The following ENTPD5 variants were observed in gnomAD, a reference collection of about 807,000 sequenced individuals.
ENTPD5 encodes ectonucleoside triphosphate diphosphohydrolase 5 (inactive), also known as nucleoside diphosphate phosphatase ENTPD5.
Under a neutral mutation model 60.2 loss-of-function variants are expected in ENTPD5, and 49 were observed. The observed-to-expected ratio is 0.81, with a 90% CI of 0.65 to 1.03. The LOEUF (loss-of-function observed/expected upper bound fraction) is 1.03, where lower values mean the gene tolerates loss of function less well. ENTPD5 is among the 50% of genes least tolerant of loss of function. The probability of loss-of-function intolerance (pLI) is 0.00; values close to 1 mark genes in which losing one functional copy is unlikely to be tolerated. For synonymous variants in ENTPD5, 187 were observed against 185.4 expected (o/e 1.01, Z -0.07); for missense variants, 480 against 507.6 (o/e 0.95, Z 0.52).
At chr14:73,984,786 G>A (rs979404261) in intron 5 of ENTPD5, among the ~76,000 whole-genome samples, 1 of 151,482 alleles carries the variant, frequency 6.6e-6, no homozygotes, top group African/African-American at 2.4e-5. Flanking sequence ...GGGTACATGT[G>A]CACAATGTGC....
At chr14:74,004,442 T>C (rs1187476415) in intron 3 of ENTPD5, among the ~76,000 whole-genome samples, 2 of 152,206 alleles carry the variant, frequency 1.3e-5, no homozygotes, top group African/African-American at 4.8e-5. Flanking sequence ...AGATTACAGG[T>C]GTGAGCCATT....
downstream of ENTPD5, among the ~76,000 whole-genome samples, chr14:73,962,138 G>A (rs1405778847): frequency 6.6e-6 from 1 of 151,666 alleles, no homozygotes; most frequent in African/African-American, 2.4e-5. Context: ...AGTAGAGATG[G>A]GGTTTCACCA....
downstream of ENTPD5, chr14:73,960,140 C>T: frequency 2.0e-6 from 2 of 990,264 alleles, no homozygotes; most frequent in Non-Finnish European, 2.4e-6. Context: ...GCTACCTGAA[C>T]CTTTCAAGCC....
chr14:74,007,479 G>A lies in ENTPD5; in HGVS notation c.-71+3612C>T, dbSNP rs371571780. Among the ~76,000 whole-genome samples the A allele has an allele frequency of 3.5e-4, 53 of 151,882 alleles. No individual in the cohort carries two copies. The East Asian group carries it at 9.7e-3, about 28-fold the overall frequency. Reference sequence around the variant, plus strand: ...AGAGGTTGCAGTGAGCTGAGATCACGCCACTGCACTCCAGTCTAGGTGACA... The same window carrying A: ...AGAGGTTGCAGTGAGCTGAGATCACACCACTGCACTCCAGTCTAGGTGACA... On this transcript the variant is annotated intron_variant, in intron 3 of 15. Coordinates refer to ENST00000334696, the MANE Select transcript of ENTPD5 (RefSeq NM_001249.5).
At chr14:73,971,210 T>G (rs995610714) in intron 14 of ENTPD5, among the ~76,000 whole-genome samples, 2 of 150,886 alleles carry the variant, frequency 1.3e-5, no homozygotes, top group Admixed American at 6.7e-5. Flanking sequence ...CAGGCTGGAG[T>G]GCAGTGGCAC....
intron 12 of ENTPD5, 62 bp from the exon 13 acceptor site, chr14:73,973,086 T>A: frequency 6.3e-7 from 1 of 1,582,834 alleles, no homozygotes; most frequent in South Asian, 1.1e-5. Context: ...GGACACTCTC[T>A]GAGGCAGGCT....
At position 73,974,943 on chromosome 14, in the gene ENTPD5, C is replaced by T; in HGVS notation, c.765G>A (p.Leu255=). ...FGLKAARLAT[L]GALETEGTDG... is the part of the protein sequence containing the mutation. ...ACAAACCTTCTGTCTCCAGGGCTCC[C>T]AGGGTTGCTAGTCTTGCAGCTTTCA... The change falls in exon 11 of 16, where the codon CTG becomes CTA. Residue 255 remains leucine, a synonymous_variant. Coordinates refer to ENST00000334696, the MANE Select transcript of ENTPD5 (RefSeq NM_001249.5). The T allele has an allele frequency of 6.2e-7, 1 of 1,613,774 alleles. No individual in the cohort carries two copies.
intron 6 of ENTPD5, 81 bp from the exon 7 acceptor site, chr14:73,977,455 GACTTAGAAAACT>G (rs1252252069): frequency 9.1e-7 from 1 of 1,093,498 alleles, no homozygotes; most frequent in Non-Finnish European, 1.3e-6. Flanking sequence ...TGTCCTGTAA[GACTTAGAAAACT>G]ACTCCATTTT....
At chr14:73,961,028 G>A, downstream of ENTPD5, 1 of 924,306 alleles carries the variant, frequency 1.1e-6, no homozygotes, top group Non-Finnish European at 1.7e-6. Flanking sequence ...TTGCACTTGA[G>A]GGGCTTATCA....
chr14:74,018,325 T>A (rs951989330), intron 1 of ENTPD5: 2 of 150,622 alleles, frequency 1.3e-5, no homozygotes, highest in Middle Eastern at 3.2e-3. Context: ...CGGGAAGGAG[T>A]GTACGGATTA....
At position 73,988,116 on chromosome 14, in the gene ENTPD5, T is replaced by A. The variant is rs12434581; in HGVS notation, c.-14A>T. On this transcript the variant is annotated 5_prime_UTR_variant, in exon 4 of 16. Transcript: ENST00000334696. ...AGAAGTGGCCATTCTTTTCCCAAGA[T>A]GTGGCTGGGTGGAGGCTTTTGTTGC... 0.39 allele frequency: 618,413 copies of A among 1,598,826 alleles called. 127,440 individuals carry two copies. Among genetic ancestry groups the A allele is most frequent in the Non-Finnish European group, 0.43 (499,988 of 1,172,652 alleles).
chr14:73,990,378 C>T (rs980884765), intron 3 of ENTPD5, among the ~76,000 whole-genome samples: 6 of 126,760 alleles, frequency 4.7e-5, no homozygotes, highest in Non-Finnish European at 7.6e-5. Flanking sequence ...TCTGTCACCC[C>T]GGCTGGAGTG....
At chr14:73,971,578 C>T (rs1847151496) in intron 14 of ENTPD5, among the ~76,000 whole-genome samples, 2 of 152,206 alleles carry the variant, frequency 1.3e-5, no homozygotes, top group African/African-American at 4.8e-5. Context: ...AATGCAGTGA[C>T]TGTTCACAGG....
In ENTPD5 at chr14:73,977,295, C is replaced by T; in HGVS notation, c.517+4G>A. 6.2e-7 allele frequency: 1 copy of T among 1,609,730 alleles called. No individual in the cohort carries two copies. The highest frequency in any genetic ancestry group is 8.5e-7 in the Non-Finnish European group (1 of 1,177,136). ...CCTGGAACGCATATCAACACCTCTC[C>T]CACCTTCGTCGGATCCATCCATGAT... is the stretch of plus-strand genomic sequence containing the variant. On this transcript the variant is annotated splice_donor_region_variant and intron_variant, in intron 7 of 15. Transcript: ENST00000334696.
At chr14:73,956,041 A>T, downstream of ENTPD5, 1 of 1,510,392 alleles carries the variant, frequency 6.6e-7, no homozygotes, top group South Asian at 1.1e-5. Context: ...AAATCCTCTG[A>T]TGGCCGGGTG....
chr14:73,999,360 C>T (rs60730881), intron 3 of ENTPD5, among the ~76,000 whole-genome samples: 2,277 of 151,918 alleles, frequency 0.015, 62 homozygotes, highest in African/African-American at 0.052. Context: ...TGGTGGCATG[C>T]GCCTGTAATC....
At chr14:73,960,904 C>T (rs1052987441), downstream of ENTPD5, 20 of 545,920 alleles carry the variant, frequency 3.7e-5, no homozygotes, top group East Asian at 1.4e-4. Context: ...GTGGCTGGTG[C>T]GTGGTTATTG....
downstream of ENTPD5, chr14:73,958,768 A>C: frequency 1.4e-6 from 2 of 1,481,422 alleles, no homozygotes; most frequent in Non-Finnish European, 1.8e-6. Flanking sequence ...CTGTTCAGTC[A>C]TGTCCAGCTT....
At chr14:73,997,444 G>A (rs1342303430) in intron 3 of ENTPD5, among the ~76,000 whole-genome samples, 1 of 152,116 alleles carries the variant, frequency 6.6e-6, no homozygotes, top group African/African-American at 2.4e-5. Context: ...TCCAAAAAGA[G>A]TGAAATGTAA....
Sources: allele counts gnomAD v4.1 joint callset (sites outside exome capture counted in the v4.1 genomes callset), GRCh38; gene constraint gnomAD v4.1.1; transcripts MANE v1.5; gene names NCBI Gene and HGNC (gene_info 2026-07-23, HGNC 2026-07-21).